MSTO1: variants seen among roughly 807,000 people sequenced by gnomAD.
MSTO1 encodes protein misato homolog 1.
MSTO1 carries 24 observed loss-of-function variants against 55.7 expected under a neutral mutation model. That is an observed-to-expected ratio of 0.43 (90% confidence interval 0.31 to 0.61). The LOEUF (loss-of-function observed/expected upper bound fraction) is 0.61, where lower values mean the gene tolerates loss of function less well. Among genes scored for constraint, MSTO1 ranks in the 20% least tolerant of loss-of-function variants. MSTO1 has a pLI of 0.09. For missense variants in MSTO1, 363 were observed against 625.7 expected (o/e 0.58, Z 4.48); for synonymous variants, 162 against 252.8 (o/e 0.64, Z 3.41).
chr1:155,602,142 C>T, the MSTO1 span: 98 of 709,118 alleles, frequency 1.4e-4, no homozygotes, highest in Non-Finnish European at 2.4e-4. Context: ...TTTGATCAAC[C>T]TTTAGAGGTT....
At chr1:155,596,751 C>T in the MSTO1 span, among the ~76,000 whole-genome samples, 1 of 152,150 alleles carries the variant, frequency 6.6e-6, no homozygotes, top group Non-Finnish European at 1.5e-5. Flanking sequence ...TGGGCCACTG[C>T]ACTCCAGCCT....
chr1:155,613,290 C>T lies in MSTO1; in HGVS notation c.1283+57C>T, dbSNP rs1674726395. The T allele has an allele frequency of 2.5e-6, 4 of 1,589,318 alleles. No individual in the cohort carries two copies. In the South Asian group the frequency reaches 4.5e-5, roughly 18 times the overall value. On this transcript the variant is annotated intron_variant, in intron 11 of 13. Coordinates refer to ENST00000245564, the MANE Select transcript of MSTO1 (RefSeq NM_018116.4). ...CAGATTTTTGTCTCATATCCATCTT[C>T]CCCTAATTTCTCTGGGGCATTCTAA...
At chr1:155,595,021 C>A in the MSTO1 span, among the ~76,000 whole-genome samples, 1 of 151,758 alleles carries the variant, frequency 6.6e-6, no homozygotes, top group Non-Finnish European at 1.5e-5. Flanking sequence ...GCCTGTAATA[C>A]CAGCTACTTG....
the MSTO1 span, among the ~76,000 whole-genome samples, chr1:155,576,883 C>T: frequency 2.0e-5 from 3 of 147,238 alleles, no homozygotes; most frequent in Non-Finnish European, 4.5e-5. Flanking sequence ...GGCGTGGTGG[C>T]AGGCGCTTGT....
the MSTO1 span, among the ~76,000 whole-genome samples, chr1:155,594,308 C>G: frequency 1.3e-5 from 2 of 151,000 alleles, no homozygotes; most frequent in African/African-American, 4.9e-5. Context: ...GGTTGAGGCA[C>G]GAAAATCACT....
the MSTO1 span, among the ~76,000 whole-genome samples, chr1:155,581,511 A>G: frequency 6.6e-6 from 1 of 151,394 alleles, no homozygotes; most frequent in Non-Finnish European, 1.5e-5. Context: ...GGGAGGGTTC[A>G]AGCAGTTCTC....
chr1:155,613,879 C>T, intron 13 of MSTO1, 113 bp downstream of exon 13: 3 of 823,766 alleles, frequency 3.6e-6, no homozygotes, highest in Non-Finnish European at 5.8e-6. Flanking sequence ...CTTTATTCAC[C>T]CTATGGCTCC....
intron 4 of MSTO1, 71 bp downstream of exon 4, chr1:155,611,362 G>A (rs1311685108): frequency 3.2e-5 from 51 of 1,613,214 alleles, no homozygotes; most frequent in East Asian, 8.9e-5. Flanking sequence ...GCAGGTAAAC[G>A]GGGATTTTAA....
the MSTO1 span, among the ~76,000 whole-genome samples, chr1:155,581,499 C>T: frequency 1.4e-3 from 208 of 151,458 alleles, no homozygotes; most frequent in Middle Eastern, 6.9e-3. Context: ...CCTCTTGAAC[C>T]TGGGAGGGTT....
chr1:155,612,175 C>A lies in MSTO1; in HGVS notation c.679-7C>A. ...CTAACTATCTTTTGTCACTCACCCC[C>A]GTCCAGGGCTTCCAGATCCTGTGTG... On this transcript the variant is annotated splice_polypyrimidine_tract_variant and splice_region_variant and intron_variant, in intron 7 of 13. Transcript: ENST00000245564. 3 of 1,613,866 alleles carry A rather than the reference C, an allele frequency of 1.9e-6. No individual in the cohort carries two copies. Among genetic ancestry groups the A allele is most frequent in the Non-Finnish European group, 2.5e-6 (3 of 1,179,870 alleles).
chr1:155,601,595 T>C, the MSTO1 span, among the ~76,000 whole-genome samples: 1 of 151,998 alleles, frequency 6.6e-6, no homozygotes, highest in Non-Finnish European at 1.5e-5. Flanking sequence ...CACTGCCTTC[T>C]AGCCTGGGCA....
chr1:155,603,773 G>A, the MSTO1 span, among the ~76,000 whole-genome samples: 4 of 151,904 alleles, frequency 2.6e-5, no homozygotes, highest in East Asian at 1.9e-4. Flanking sequence ...CAGGAGAATC[G>A]CTTGAACCTG....
At chr1:155,606,367 A>G (rs1672935530), upstream of MSTO1, among the ~76,000 whole-genome samples, 1 of 146,340 alleles carries the variant, frequency 6.8e-6, no homozygotes, top group African/African-American at 2.5e-5. Flanking sequence ...GCCAAGATAC[A>G]ACTTTTTTTT....
At chr1:155,609,542 C>A (rs1357918745), upstream of MSTO1, among the ~76,000 whole-genome samples, 2 of 152,102 alleles carry the variant, frequency 1.3e-5, no homozygotes, top group African/African-American at 4.8e-5. Context: ...ACCACCGCGC[C>A]CAGCCTATTC....
the MSTO1 span, among the ~76,000 whole-genome samples, chr1:155,594,981 A>G: frequency 6.6e-6 from 1 of 151,964 alleles, no homozygotes; most frequent in Non-Finnish European, 1.5e-5. Context: ...TACTAAAAAT[A>G]TAAAAAATTA....
the MSTO1 span, among the ~76,000 whole-genome samples, chr1:155,600,922 C>T: frequency 6.6e-6 from 1 of 151,072 alleles, no homozygotes; most frequent in Non-Finnish European, 1.5e-5. Flanking sequence ...GTGATGCGAC[C>T]GCCTTGGCCT....
the MSTO1 span, among the ~76,000 whole-genome samples, chr1:155,590,271 G>A: frequency 2.0e-5 from 3 of 152,014 alleles, no homozygotes; most frequent in African/African-American, 2.4e-5. Context: ...GAACTCTTGG[G>A]GACAGTCTGT....
the MSTO1 span, among the ~76,000 whole-genome samples, chr1:155,595,515 G>C: frequency 7.0e-6 from 1 of 143,466 alleles, no homozygotes; most frequent in Non-Finnish European, 1.5e-5. Flanking sequence ...TTGAGATGGA[G>C]TCTTACTCTG....
In MSTO1 at chr1:155,612,990, A is replaced by G. The variant is rs2666824; in HGVS notation, c.1098+15A>G. 93 of 1,613,746 alleles carry G rather than the reference A, an allele frequency of 5.8e-5. No individual in the cohort carries two copies. The highest frequency in any genetic ancestry group is 5.3e-4 in the East Asian group (24 of 44,894). On this transcript the variant is annotated intron_variant, in intron 10 of 13. Coordinates refer to ENST00000245564, the MANE Select transcript of MSTO1 (RefSeq NM_018116.4). ...GTGGGAAAAAGGTATGAAGCTTTGTAAGGGGTTGGGTCAGTGCTGAGAAAA... is the reference window on the plus strand; with the variant it reads ...GTGGGAAAAAGGTATGAAGCTTTGTGAGGGGTTGGGTCAGTGCTGAGAAAA...
Sources: gnomAD v4.1 joint callset for allele counts (sites outside exome capture counted in the v4.1 genomes callset) on GRCh38, gnomAD v4.1.1 for gene constraint, MANE v1.5 for transcripts, NCBI Gene and HGNC (gene_info 2026-07-23, HGNC 2026-07-21) for gene names.